CSMD1: variants seen among roughly 807,000 people sequenced by gnomAD.
CSMD1 encodes CUB and Sushi multiple domains 1, also known as CUB and sushi domain-containing protein 1.
CSMD1 carries 213 observed loss-of-function variants against 417.5 expected under a neutral mutation model. The ratio of observed to expected loss-of-function variants is 0.51; its 90% confidence interval spans 0.46 to 0.57. The LOEUF (loss-of-function observed/expected upper bound fraction) is 0.57, where lower values mean the gene tolerates loss of function less well. Ranked by LOEUF, CSMD1 falls within the 20% of genes least tolerant of loss-of-function variation. The pLI is 0.00. For synonymous variants in CSMD1, 2,862 were observed against 1,736.8 expected (o/e 1.65, Z -16.11); for missense variants, 6,923 against 4,529.7 (o/e 1.53, Z -15.17).
intron 2 of CSMD1, among the ~76,000 whole-genome samples, chr8:4,434,431 C>T (rs941560085): frequency 6.6e-6 from 1 of 152,178 alleles, no homozygotes; most frequent in Admixed American, 6.5e-5. Context: ...TTTTTGAACT[C>T]AGCCCTTGGC....
chr8:3,616,445 T>G (rs1384654417), intron 8 of CSMD1, among the ~76,000 whole-genome samples: 4 of 152,216 alleles, frequency 2.6e-5, no homozygotes, highest in Non-Finnish European at 4.4e-5. Flanking sequence ...TATGAGTCAA[T>G]TAAACGTCTT....
chr8:4,144,766 A>G (rs1391828170), intron 3 of CSMD1, among the ~76,000 whole-genome samples: 1 of 151,094 alleles, frequency 6.6e-6, no homozygotes, highest in Non-Finnish European at 1.5e-5. Context: ...ATAGGAGAAC[A>G]GGAATGATGG....
intron 4 of CSMD1, among the ~76,000 whole-genome samples, chr8:4,005,908 G>A (rs970790240): frequency 1.3e-5 from 2 of 152,214 alleles, no homozygotes; most frequent in African/African-American, 4.8e-5. Flanking sequence ...AATTGGCTTA[G>A]AAGTTGACTT....
intron 50 of CSMD1, among the ~76,000 whole-genome samples, chr8:3,038,804 T>C (rs2128982386): frequency 6.6e-6 from 1 of 152,328 alleles, no homozygotes; most frequent in East Asian, 1.9e-4. Context: ...TTGTTGATTA[T>C]GATGAAGACG....
At chr8:3,394,962 T>A (rs570628145) in intron 17 of CSMD1, among the ~76,000 whole-genome samples, 1 of 152,158 alleles carries the variant, frequency 6.6e-6, no homozygotes, top group African/African-American at 2.4e-5. Flanking sequence ...AAGATATACA[T>A]GCATATGCAC....
intron 3 of CSMD1, among the ~76,000 whole-genome samples, chr8:4,359,822 T>C (rs1017939189): frequency 6.6e-5 from 10 of 152,266 alleles, no homozygotes; most frequent in Middle Eastern, 3.4e-3. Flanking sequence ...GAACCCACCA[T>C]CTCTCCTACT....
In CSMD1 at chr8:4,362,649, T is replaced by A. The variant is rs544961130; in HGVS notation, c.415+57304A>T. Reference sequence around the variant, plus strand: ...CAGTTTGCTACCCCCTCTACTGGCCTCAAGAAGGAAAGGACAGTGAAATAA... The same window carrying A: ...CAGTTTGCTACCCCCTCTACTGGCCACAAGAAGGAAAGGACAGTGAAATAA... On this transcript the variant is annotated intron_variant, in intron 3 of 69. Coordinates refer to ENST00000635120, the MANE Select transcript of CSMD1 (RefSeq NM_033225.6). Among the ~76,000 whole-genome samples the A allele has an allele frequency of 2.0e-5, 3 of 152,280 alleles. No homozygotes were observed. The East Asian group carries it at 5.8e-4, about 29-fold the overall frequency.
chr8:4,132,705 C>T (rs2552162), intron 3 of CSMD1, among the ~76,000 whole-genome samples: 146,844 of 152,248 alleles, frequency 0.96, 71,043 homozygotes, highest in East Asian at 1. Context: ...GGGGCTTCCA[C>T]GCACTTCCGC....
intron 37 of CSMD1, among the ~76,000 whole-genome samples, chr8:3,174,860 G>C (rs1237887929): frequency 2.0e-5 from 3 of 151,940 alleles, no homozygotes; most frequent in African/African-American, 4.8e-5. Flanking sequence ...TTAAAGAGAA[G>C]GCAGTTTATC....
rs74605721 is a variant in CSMD1, at chr8:4,876,207, A to G, written c.85+118125T>C. On this transcript the variant is annotated intron_variant, in intron 1 of 69. Coordinates refer to ENST00000635120, the MANE Select transcript of CSMD1 (RefSeq NM_033225.6). The stretch of plus-strand genomic sequence containing the variant: ...ATAAATTTACCTAAATATGTAGGCC[A>G]CTTTTGGAGCTCAGTCTTTCAGTAA... 2.9e-3 allele frequency among the ~76,000 whole-genome samples: 445 copies of G among 152,200 alleles called. 10 individuals carry two copies. The South Asian group carries it at 0.039, about 13-fold the overall frequency.
At chr8:3,299,724 A>G (rs1365262890) in intron 25 of CSMD1, among the ~76,000 whole-genome samples, 1 of 152,200 alleles carries the variant, frequency 6.6e-6, no homozygotes, top group Non-Finnish European at 1.5e-5. Flanking sequence ...AGAGGAAGTC[A>G]CTAACCAAAT....
chr8:3,616,329 A>G (rs1334431699), intron 8 of CSMD1, among the ~76,000 whole-genome samples: 1 of 152,050 alleles, frequency 6.6e-6, no homozygotes, highest in Admixed American at 6.6e-5. Context: ...ATTTTCCTCC[A>G]CTTCGCTCAT....
intron 4 of CSMD1, among the ~76,000 whole-genome samples, chr8:3,999,231 G>A (rs1055285753): frequency 3.3e-5 from 5 of 151,356 alleles, no homozygotes; most frequent in Non-Finnish European, 1.5e-5. Flanking sequence ...TTCTGATACT[G>A]CAATGTGGAT....
chr8:4,174,254 T>C (rs1723968036), intron 3 of CSMD1, among the ~76,000 whole-genome samples: 1 of 152,104 alleles, frequency 6.6e-6, no homozygotes. Context: ...AAAAAGGAAA[T>C]GAATCTTCAG....
intron 3 of CSMD1, among the ~76,000 whole-genome samples, chr8:4,402,148 G>T (rs966040138): frequency 6.6e-6 from 1 of 152,088 alleles, no homozygotes; most frequent in East Asian, 1.9e-4. Context: ...CATATGGTCA[G>T]AGACCAGCCC....
intron 3 of CSMD1, among the ~76,000 whole-genome samples, chr8:4,244,059 G>A (rs1379641463): frequency 6.6e-6 from 1 of 152,198 alleles, no homozygotes; most frequent in East Asian, 1.9e-4. Flanking sequence ...ATGTTAAAGT[G>A]CAGGTAGTCC....
chr8:4,442,142 G>C (rs1010118723), intron 2 of CSMD1, among the ~76,000 whole-genome samples: 2 of 152,060 alleles, frequency 1.3e-5, no homozygotes, highest in Non-Finnish European at 2.9e-5. Flanking sequence ...TCCTGATTCA[G>C]CAAAAACATC....
intron 21 of CSMD1, among the ~76,000 whole-genome samples, chr8:3,353,609 G>C (rs1256851833): frequency 2.0e-5 from 3 of 152,110 alleles, no homozygotes; most frequent in Non-Finnish European, 4.4e-5. Flanking sequence ...AAGAGCAAGT[G>C]CTCAGAAAAT....
chr8:3,483,842 A>T (rs1817877870), intron 11 of CSMD1, among the ~76,000 whole-genome samples: 2 of 152,222 alleles, frequency 1.3e-5, no homozygotes, highest in African/African-American at 4.8e-5. Context: ...AACTTTTAAA[A>T]AAATCAATCA....
Sources: allele counts gnomAD v4.1 joint callset (sites outside exome capture counted in the v4.1 genomes callset), GRCh38; gene constraint gnomAD v4.1.1; transcripts MANE v1.5; gene names NCBI Gene and HGNC (gene_info 2026-07-23, HGNC 2026-07-21).